CCDC138: variants seen among roughly 807,000 people sequenced by gnomAD.
The protein encoded by CCDC138 is coiled-coil domain-containing protein 138.
CCDC138 carries 66 observed loss-of-function variants against 82.3 expected under a neutral mutation model. The ratio of observed to expected loss-of-function variants is 0.80; its 90% CI spans 0.66 to 0.98. The LOEUF (loss-of-function observed/expected upper bound fraction) is 0.98, where lower values mean the gene tolerates loss of function less well. CCDC138 is among the 50% of genes least tolerant of loss of function. The pLI, the probability that CCDC138 is intolerant of heterozygous loss-of-function variation, is 0.00. For synonymous variants in CCDC138, 297 were observed against 265.4 expected (o/e 1.12, Z -1.16); for missense variants, 816 against 758.9 (o/e 1.08, Z -0.88).
intron 11 of CCDC138, among the ~76,000 whole-genome samples, chr2:108,842,764 C>G (rs544121176): frequency 5.8e-4 from 88 of 152,260 alleles, no homozygotes; most frequent in Non-Finnish European, 5.1e-4. Flanking sequence ...AGTGACTGAT[C>G]CCTGCTTCTA....
intron 11 of CCDC138, among the ~76,000 whole-genome samples, chr2:108,843,217 G>T (rs999344356): frequency 6.6e-5 from 10 of 152,130 alleles, no homozygotes; most frequent in African/African-American, 2.4e-4. Flanking sequence ...GAGTGCAGTG[G>T]CATGATCTTG....
intron 10 of CCDC138, among the ~76,000 whole-genome samples, chr2:108,826,455 C>T (rs535947681): frequency 1.3e-5 from 2 of 152,154 alleles, no homozygotes; most frequent in African/African-American, 4.8e-5. Context: ...AGGAGTGTAA[C>T]CTCATTTTTT....
At chr2:108,853,309 T>TA (rs1440289185) in intron 12 of CCDC138, among the ~76,000 whole-genome samples, 4 of 152,286 alleles carry the variant, frequency 2.6e-5, no homozygotes, top group African/African-American at 9.6e-5. Flanking sequence ...CAGTCTAATA[T>TA]AATTGACCCA....
intron 10 of CCDC138, among the ~76,000 whole-genome samples, chr2:108,835,405 A>G (rs1175201444): frequency 6.6e-6 from 1 of 152,220 alleles, no homozygotes; most frequent in Non-Finnish European, 1.5e-5. Flanking sequence ...AAGGATATTA[A>G]TCCTCTATTT....
In CCDC138 at chr2:108,846,831, T is replaced by C; in HGVS notation, c.1417T>C (p.Ser473Pro). The C allele has an allele frequency of 6.2e-7, 1 of 1,608,704 alleles. No homozygotes were observed. The highest frequency in any genetic ancestry group is 8.5e-7 in the Non-Finnish European group (1 of 1,175,352). Reference sequence around the variant, plus strand: ...AATTCAGGATAATTCTCCACAGCATTCTGTGGAGAATAAACCAAAGACAGC... The same window carrying C: ...AATTCAGGATAATTCTCCACAGCATCCTGTGGAGAATAAACCAAAGACAGC... Reference protein sequence around the residue: ...KGIQDNSPQHSVENKPKTAAF... With the variant: ...KGIQDNSPQHPVENKPKTAAF... The change falls in exon 12 of 15, where the codon TCT becomes CCT. Residue 473 changes from serine (S) to proline (P), a missense_variant. Coordinates refer to ENST00000295124, the MANE Select transcript of CCDC138 (RefSeq NM_144978.3).
chr2:108,876,195 C>T lies in CCDC138; in HGVS notation c.1940C>T (p.Thr647Ile). 1 of 1,613,434 alleles carries T rather than the reference C, an allele frequency of 6.2e-7. No individual in the cohort carries two copies. Among genetic ancestry groups the T allele is most frequent in the African/African-American group, 1.3e-5 (1 of 75,034 alleles). Residue 647 changes from threonine (T) to isoleucine (I), a missense_variant, in exon 15 of 15, where the codon ACT becomes ATT. Physicochemically the swap from Thr to Ile is moderately conservative, Grantham distance 89 (BLOSUM62 -1). Transcript: ENST00000295124. ...TTTCTCTGTATTAATCTAAATTCAA[C>T]TCTGTTCAATCTGGGTTTAACAAAA... ...HAFLCINLNS[T>I]LFNLGLTKCN...
chr2:108,837,384 C>T (rs1387319633), intron 10 of CCDC138, among the ~76,000 whole-genome samples: 2 of 152,172 alleles, frequency 1.3e-5, no homozygotes, highest in Admixed American at 6.5e-5. Context: ...GAATTAATCT[C>T]ACTTAGTCAT....
chr2:108,862,865 T>C (rs950820562), intron 13 of CCDC138, among the ~76,000 whole-genome samples: 5 of 152,188 alleles, frequency 3.3e-5, no homozygotes, highest in Non-Finnish European at 7.4e-5. Context: ...TATGTTTATC[T>C]GTTTAAAATG....
chr2:108,832,292 G>T (rs1687821467), intron 10 of CCDC138, among the ~76,000 whole-genome samples: 1 of 151,046 alleles, frequency 6.6e-6, no homozygotes, highest in Non-Finnish European at 1.5e-5. Context: ...CTCCCAAAGT[G>T]CTGAGATTAC....
intron 11 of CCDC138, among the ~76,000 whole-genome samples, chr2:108,841,176 C>T (rs112000528): frequency 2.0e-5 from 3 of 152,070 alleles, no homozygotes; most frequent in African/African-American, 7.2e-5. Context: ...GTTTCTGTTA[C>T]TCTGTTTTTC....
At chr2:108,835,643 A>G (rs1169352735) in intron 10 of CCDC138, among the ~76,000 whole-genome samples, 1 of 152,170 alleles carries the variant, frequency 6.6e-6, no homozygotes, top group East Asian at 1.9e-4. Flanking sequence ...TAATTTCTCA[A>G]ACTGTGACGA....
chr2:108,813,260 A>AAAC (rs1684207322), intron 9 of CCDC138, among the ~76,000 whole-genome samples: 1 of 150,376 alleles, frequency 6.6e-6, no homozygotes, highest in East Asian at 1.9e-4. Context: ...AAAAAAAAAA[A>AAAC]AAAAAAAAAA....
intron 10 of CCDC138, among the ~76,000 whole-genome samples, chr2:108,830,451 A>G (rs968005927): frequency 6.6e-6 from 1 of 152,240 alleles, no homozygotes; most frequent in African/African-American, 2.4e-5. Context: ...CATTTTCACC[A>G]GGATTCTGCA....
chr2:108,807,520 C>T (rs1479892403), intron 7 of CCDC138, among the ~76,000 whole-genome samples: 1 of 152,192 alleles, frequency 6.6e-6, no homozygotes, highest in African/African-American at 2.4e-5. Context: ...TCAAAATCCT[C>T]TCTTTATCTA....
In CCDC138 at chr2:108,811,248, T is replaced by TC. The variant is rs376286743; in HGVS notation, c.856-1383_856-1382insC. 4.1e-4 allele frequency among the ~76,000 whole-genome samples: 51 copies of TC among 123,016 alleles called. 1 individual carries two copies. Among genetic ancestry groups the TC allele is most frequent in the Non-Finnish European group, 6.8e-4 (42 of 61,368 alleles). 80.7% of individuals were successfully genotyped at this position (123,016 alleles called of 152,430 possible). A position where few individuals can be genotyped will look rare whatever the true frequency, so the allele number is the denominator to read the frequency against. On this transcript the variant is annotated intron_variant, in intron 7 of 14. Coordinates refer to ENST00000295124, the MANE Select transcript of CCDC138 (RefSeq NM_144978.3). The stretch of plus-strand genomic sequence containing the variant: ...TCCCTTTTCTTTCTTTCTCTCTCTC[T>TC]TTTTTTTTTTTTTTGACTGTCTCCC...
At chr2:108,791,591 T>G in intron 3 of CCDC138, 84 bp from the exon 4 acceptor site, 1 of 1,447,508 alleles carries the variant, frequency 6.9e-7, no homozygotes. Context: ...TCAGTTATGC[T>G]GTTAATATTT....
At chr2:108,876,027 G>A (rs1316180100) in intron 14 of CCDC138, 61 bp from the exon 15 acceptor site, 4 of 1,054,548 alleles carry the variant, frequency 3.8e-6, no homozygotes, top group Middle Eastern at 2.9e-4. Context: ...ATCTGTCAGT[G>A]TCATTGCAGA....
At chr2:108,791,617 C>A (rs758529534) in intron 3 of CCDC138, 58 bp from the exon 4 acceptor site, 1 of 1,561,838 alleles carries the variant, frequency 6.4e-7, no homozygotes, top group Non-Finnish European at 8.8e-7. Flanking sequence ...GCAGTTTTAT[C>A]TTTTTAAAGT....
At chr2:108,809,655 C>G (rs1034037700) in intron 7 of CCDC138, among the ~76,000 whole-genome samples, 3 of 152,036 alleles carry the variant, frequency 2.0e-5, no homozygotes, top group African/African-American at 7.2e-5. Flanking sequence ...TTTGGAAATG[C>G]TACTGATTTT....
Sources: allele counts gnomAD v4.1 joint callset (sites outside exome capture counted in the v4.1 genomes callset), GRCh38; gene constraint gnomAD v4.1.1; transcripts MANE v1.5; gene names NCBI Gene and HGNC (gene_info 2026-07-23, HGNC 2026-07-21).